Variants in DUSP22 observed in about 807,000 individuals in gnomAD.
The protein encoded by DUSP22 is dual specificity protein phosphatase 22.
A neutral mutation model predicts 24.5 loss-of-function variants in DUSP22; 24 were observed. That is an observed-to-expected ratio of 0.98 (90% CI 0.71 to 1.38). The LOEUF (loss-of-function observed/expected upper bound fraction) is 1.38. Ranked by LOEUF, DUSP22 falls within the 40% of genes most tolerant of loss-of-function variation. The pLI, the probability that DUSP22 is intolerant of heterozygous loss-of-function variation, is 0.00. For synonymous variants in DUSP22, 160 were observed against 106.4 expected (o/e 1.50, Z -3.10); for missense variants, 330 against 269.2 (o/e 1.23, Z -1.58).
intron 2 of DUSP22, among the ~76,000 whole-genome samples, chr6:309,315 G>C (rs954017725): frequency 2.0e-5 from 3 of 152,300 alleles, no homozygotes; most frequent in Non-Finnish European, 2.9e-5. Flanking sequence ...CATGTTCCTC[G>C]TATAAAAAGG....
intron 4 of DUSP22, among the ~76,000 whole-genome samples, chr6:336,014 T>G (rs1759347574): frequency 6.6e-6 from 1 of 152,308 alleles, no homozygotes; most frequent in Admixed American, 6.5e-5. Context: ...TTTGGCAAGA[T>G]AAGGGATAGG....
intron 1 of DUSP22, among the ~76,000 whole-genome samples, chr6:295,777 G>A (rs1172708279): frequency 6.7e-6 from 1 of 148,582 alleles, no homozygotes; most frequent in African/African-American, 2.5e-5. Flanking sequence ...TCCAGCCTGA[G>A]CGACAGAGCG....
At chr6:300,585 T>C (rs1301824231) in intron 1 of DUSP22, among the ~76,000 whole-genome samples, 1 of 152,298 alleles carries the variant, frequency 6.6e-6, no homozygotes, top group Non-Finnish European at 1.5e-5. Context: ...AAATGGCAAA[T>C]GAGCAGCAGT....
At chr6:345,297 C>G (rs1759809082) in intron 4 of DUSP22, among the ~76,000 whole-genome samples, 1 of 151,904 alleles carries the variant, frequency 6.6e-6, no homozygotes, top group South Asian at 2.1e-4. Context: ...GTAATCTCTG[C>G]CTCCTGGGTT....
At chr6:322,811 G>A (rs555893260) in intron 3 of DUSP22, among the ~76,000 whole-genome samples, 21 of 141,540 alleles carry the variant, frequency 1.5e-4, no homozygotes, top group African/African-American at 4.6e-4. Flanking sequence ...GGGAGATTCC[G>A]TGGGTTATGG....
Position 349,083 on chromosome 6 carries a change from CCCCA to C in DUSP22, c.*133_*136del. On this transcript the variant is annotated 3_prime_UTR_variant, in exon 7 of 7. Coordinates refer to ENST00000419235, the MANE Select transcript of DUSP22 (RefSeq NM_001286555.3). ...GGCGAGGTGGGGCGAGGGCTCCTTC[CCCCA>C]AGCAACACCGCCCAGCCCTGCTCCA... 6.8e-7 allele frequency: 1 copy of C among 1,469,212 alleles called. No homozygotes were observed. Among genetic ancestry groups the C allele is most frequent in the Non-Finnish European group, 9.0e-7 (1 of 1,112,210 alleles). The allele number at this position is 1,469,212 out of a possible 1,614,324, so 91.0% of individuals were successfully genotyped here.
intron 5 of DUSP22, 86 bp downstream of exon 5, chr6:346,014 G>GGTTTCACCTCCT (rs1759853173): frequency 6.6e-7 from 1 of 1,519,854 alleles, no homozygotes; most frequent in Non-Finnish European, 9.1e-7. Context: ...TGTGAATAAT[G>GGTTTCACCTCCT]GTTTCACCTC....
intron 5 of DUSP22, among the ~76,000 whole-genome samples, chr6:346,985 T>A (rs369528795): frequency 8.5e-5 from 13 of 152,428 alleles, no homozygotes; most frequent in African/African-American, 3.1e-4. Flanking sequence ...CATACAGTTC[T>A]TGAAATCACA....
At chr6:318,060 A>G (rs1365748120) in intron 3 of DUSP22, among the ~76,000 whole-genome samples, 2 of 152,308 alleles carry the variant, frequency 1.3e-5, no homozygotes, top group African/African-American at 4.8e-5. Context: ...TCACTTCCTT[A>G]GTAAGCAGCG....
Position 345,944 on chromosome 6 carries a change from G to A in DUSP22, c.263+16G>A, listed in dbSNP as rs761202005. On this transcript the variant is annotated intron_variant, in intron 5 of 6. Transcript: ENST00000419235. ...TTGTACACTGGTACGTGTGTCTCTT[G>A]CTTAATAGCGCCTTAGCGTATTCTG... 10 of 1,613,982 alleles carry A rather than the reference G, an allele frequency of 6.2e-6. No homozygotes were observed. Among genetic ancestry groups the A allele is most frequent in the Non-Finnish European group, 8.5e-6 (10 of 1,179,862 alleles).
intron 2 of DUSP22, among the ~76,000 whole-genome samples, chr6:311,032 C>T (rs976252259): frequency 3.9e-5 from 6 of 152,408 alleles, no homozygotes; most frequent in Non-Finnish European, 8.8e-5. Context: ...GGGAGTGCCC[C>T]GGAGAGTAAA....
intron 4 of DUSP22, among the ~76,000 whole-genome samples, chr6:342,271 G>T (rs779500644): frequency 2.0e-5 from 3 of 152,306 alleles, no homozygotes; most frequent in Non-Finnish European, 4.4e-5. Context: ...GCTGCTCTGC[G>T]TACAGACACG....
intron 1 of DUSP22, among the ~76,000 whole-genome samples, chr6:297,822 T>C (rs1430056101): frequency 6.6e-6 from 1 of 152,304 alleles, no homozygotes; most frequent in African/African-American, 2.4e-5. Context: ...GGCACCTTTG[T>C]GCTGCTAAAT....
At chr6:343,143 T>TAA (rs1174442155) in intron 4 of DUSP22, among the ~76,000 whole-genome samples, 5 of 152,422 alleles carry the variant, frequency 3.3e-5, no homozygotes, top group African/African-American at 1.2e-4. Flanking sequence ...GAATCCTTTC[T>TAA]TGCCTGCTGT....
intron 2 of DUSP22, among the ~76,000 whole-genome samples, chr6:307,027 C>A (rs919169576): frequency 9.8e-5 from 15 of 152,302 alleles, no homozygotes; most frequent in Non-Finnish European, 1.8e-4. Context: ...CCGATCGATG[C>A]CAGGTCTGCA....
At chr6:320,769 G>C (rs61224340) in intron 3 of DUSP22, among the ~76,000 whole-genome samples, 2,238 of 151,598 alleles carry the variant, frequency 0.015, no homozygotes, top group Non-Finnish European at 0.018. Flanking sequence ...GGTCAGGGAG[G>C]GGGAGATGAG....
At position 303,983 on chromosome 6, in the gene DUSP22, T is replaced by G. The variant is rs1270303495; in HGVS notation, c.22-645T>G. Among the ~76,000 whole-genome samples the G allele has an allele frequency of 2.0e-5, 3 of 152,308 alleles. No individual in the cohort carries two copies. The East Asian group carries it at 5.8e-4, about 29-fold the overall frequency. ...CAACAAAGACGTGTTCTTCTTAACC[T>G]GCATATATGTGGAGGTTGGATCATT... is the stretch of plus-strand genomic sequence containing the variant. On this transcript the variant is annotated intron_variant, in intron 1 of 6. Transcript: ENST00000419235.
intron 3 of DUSP22, among the ~76,000 whole-genome samples, chr6:333,831 C>T (rs1045675945): frequency 3.1e-4 from 48 of 152,388 alleles, no homozygotes; most frequent in Non-Finnish European, 1.2e-4. Context: ...GCTGCCGATC[C>T]GACTCCTGAG....
At chr6:301,316 A>G (rs1247121180) in intron 1 of DUSP22, among the ~76,000 whole-genome samples, 1 of 152,302 alleles carries the variant, frequency 6.6e-6, no homozygotes, top group Non-Finnish European at 1.5e-5. Context: ...ATTTAGGGCA[A>G]AGAAAGTGCT....
Sources: allele counts gnomAD v4.1 joint callset (sites outside exome capture counted in the v4.1 genomes callset), GRCh38; gene constraint gnomAD v4.1.1; transcripts MANE v1.5; gene names NCBI Gene and HGNC (gene_info 2026-07-23, HGNC 2026-07-21).